PAK1: variants seen among roughly 807,000 people sequenced by gnomAD.
PAK1 encodes the protein p21 (RAC1) activated kinase 1.
In PAK1, 29 loss-of-function variants were observed where a neutral mutation model predicts 67.4. That is an observed-to-expected ratio of 0.43 (90% CI 0.32 to 0.59). The LOEUF is 0.59. PAK1 is among the 20% of genes least tolerant of loss of function. PAK1 has a pLI of 0.07. For missense variants in PAK1, 337 were observed against 670.7 expected (o/e 0.50, Z 5.50); for synonymous variants, 223 against 237.4 (o/e 0.94, Z 0.56).
At chr11:77,502,020 T>A in the PAK1 span, among the ~76,000 whole-genome samples, 1 of 107,780 alleles carries the variant, frequency 9.3e-6, no homozygotes, top group Non-Finnish European at 2.4e-5. Flanking sequence ...TGCTGGGCAT[T>A]TAAATGTTTT....
At chr11:77,525,733 G>A in the PAK1 span, among the ~76,000 whole-genome samples, 3 of 152,212 alleles carry the variant, frequency 2.0e-5, no homozygotes, top group South Asian at 2.1e-4. Context: ...TTTCTCAGGC[G>A]TCTGCCTGGG....
intron 2 of PAK1, among the ~76,000 whole-genome samples, chr11:77,392,042 T>G (rs1951205579): frequency 6.6e-6 from 1 of 152,232 alleles, no homozygotes; most frequent in Admixed American, 6.5e-5. Flanking sequence ...ATTTTGTGGC[T>G]TCATAAACAG....
chr11:77,482,758 G>A, the PAK1 span, among the ~76,000 whole-genome samples: 527 of 151,936 alleles, frequency 3.5e-3, 5 homozygotes, highest in African/African-American at 0.012. Flanking sequence ...TCGCCACCCT[G>A]CTCAGCTAAT....
At chr11:77,462,350 C>T (rs1203474479) in intron 1 of PAK1, among the ~76,000 whole-genome samples, 2 of 151,226 alleles carry the variant, frequency 1.3e-5, no homozygotes, top group East Asian at 3.9e-4. Flanking sequence ...AAAAATGTTC[C>T]GCATCCTTAG....
At chr11:77,477,637 C>CA (rs1174641321), upstream of PAK1, among the ~76,000 whole-genome samples, 2 of 151,230 alleles carry the variant, frequency 1.3e-5, no homozygotes, top group Non-Finnish European at 2.9e-5. Flanking sequence ...CCCATAGTCC[C>CA]AGCTACCCAG....
the PAK1 span, among the ~76,000 whole-genome samples, chr11:77,481,043 C>T: frequency 6.6e-6 from 1 of 152,138 alleles, no homozygotes; most frequent in African/African-American, 2.4e-5. Flanking sequence ...TTTCTTGAGA[C>T]TTTCTTTTGC....
In PAK1 at chr11:77,343,815, A is replaced by G; in HGVS notation, c.998+4T>C. The G allele has an allele frequency of 1.3e-6, 2 of 1,558,034 alleles. No individual in the cohort carries two copies. Among genetic ancestry groups the G allele is most frequent in the Non-Finnish European group, 8.9e-7 (1 of 1,128,928 alleles). ...TCCCTCTGATGGGACCCACCACTCC[A>G]TACCTGTCCAAGTAATTCACAATGT... On this transcript the variant is annotated splice_donor_region_variant and intron_variant, in intron 10 of 14. Coordinates refer to ENST00000356341, the MANE Select transcript of PAK1 (RefSeq NM_002576.5).
chr11:77,492,541 C>CTT, the PAK1 span, among the ~76,000 whole-genome samples: 11 of 106,112 alleles, frequency 1.0e-4, no homozygotes, highest in Admixed American at 1.9e-4. Flanking sequence ...TGAGGTGGGT[C>CTT]TTTTTTTTTT....
chr11:77,385,167 C>T (rs1950296407), intron 2 of PAK1, among the ~76,000 whole-genome samples: 1 of 152,140 alleles, frequency 6.6e-6, no homozygotes, highest in African/African-American at 2.4e-5. Flanking sequence ...GAAGGGTATT[C>T]CTCCTCACCA....
the PAK1 span, among the ~76,000 whole-genome samples, chr11:77,505,609 T>G: frequency 6.6e-6 from 1 of 152,226 alleles, no homozygotes; most frequent in Non-Finnish European, 1.5e-5. Context: ...ATTCTACTTT[T>G]TGCCTCTATG....
the PAK1 span, among the ~76,000 whole-genome samples, chr11:77,484,047 G>C: frequency 6.6e-6 from 1 of 152,146 alleles, no homozygotes; most frequent in Admixed American, 6.5e-5. Context: ...AATAGAGCCA[G>C]CCATATGGTA....
Position 77,393,647 on chromosome 11 carries a change from T to C in PAK1, c.-21-1106A>G, listed in dbSNP as rs114845038. Among the ~76,000 whole-genome samples the C allele has an allele frequency of 3.7e-3, 569 of 152,316 alleles. 6 individuals carry two copies. The highest frequency in any genetic ancestry group is 0.013 in the African/African-American group (530 of 41,564). ...AATGCAGTAACCATCCTGTCCTATA[T>C]GGTGCAGAATTTACTGGCAAAATCT... On this transcript the variant is annotated intron_variant, in intron 1 of 14. Transcript: ENST00000356341.
chr11:77,515,358 A>G, the PAK1 span, among the ~76,000 whole-genome samples: 1 of 152,200 alleles, frequency 6.6e-6, no homozygotes. Flanking sequence ...TAAGCACTTA[A>G]TAAATGTTTG....
Position 77,456,348 on chromosome 11 carries a change from G to GA in PAK1, c.-22+17203dup, listed in dbSNP as rs1203744688. ...CATATTCATATAAACAACAGTAAAGGAAAAAAAAAGATTCAAGTATCTAAA... is the reference window on the plus strand; with the variant it reads ...CATATTCATATAAACAACAGTAAAGGAAAAAAAAAAGATTCAAGTATCTAAA... On this transcript the variant is annotated intron_variant, in intron 1 of 14. Coordinates refer to ENST00000356341, the MANE Select transcript of PAK1 (RefSeq NM_002576.5). 4.0e-5 allele frequency among the ~76,000 whole-genome samples: 6 copies of GA among 149,638 alleles called. No individual in the cohort carries two copies. The South Asian group carries it at 1.1e-3, about 26-fold the overall frequency.
chr11:77,322,167 CA>C lies in PAK1; in HGVS notation c.*1106del. ...TACCATAGTGGGAGAACCAAAACCA[CA>C]AAAATAGCAGGAGGTAGCAAACATC... On this transcript the variant is annotated 3_prime_UTR_variant, in exon 15 of 15. Transcript: ENST00000356341. 1 of 209,486 alleles carries C rather than the reference CA, an allele frequency of 4.8e-6. No homozygotes were observed. Among genetic ancestry groups the C allele is most frequent in the Non-Finnish European group, 9.8e-6 (1 of 102,446 alleles). 13.0% of individuals were successfully genotyped at this position (209,486 alleles called of 1,614,324 possible). A position where few individuals can be genotyped will look rare whatever the true frequency, so the allele number is the denominator to read the frequency against.
At chr11:77,424,945 C>G (rs1430167236) in intron 1 of PAK1, among the ~76,000 whole-genome samples, 2 of 152,196 alleles carry the variant, frequency 1.3e-5, no homozygotes, top group Admixed American at 6.5e-5. Flanking sequence ...ACATACAAAG[C>G]TCTCAATAAT....
intron 12 of PAK1, among the ~76,000 whole-genome samples, chr11:77,336,541 G>A (rs747533452): frequency 3.9e-5 from 6 of 152,200 alleles, no homozygotes; most frequent in Non-Finnish European, 8.8e-5. Flanking sequence ...AGGGGACTTA[G>A]TGTTAAAGTC....
chr11:77,392,319 C>A lies in PAK1; in HGVS notation c.190+12G>T. The A allele has an allele frequency of 6.5e-7, 1 of 1,528,584 alleles. No homozygotes were observed. The highest frequency in any genetic ancestry group is 8.9e-7 in the Non-Finnish European group (1 of 1,128,536). The allele number at this position is 1,528,584 out of a possible 1,614,324, so 94.7% of individuals were successfully genotyped here. ...AGCATATAAATGATGAGAAGAAAATCAAATACTATACTTTTATCTCCAGGT... is the reference window on the plus strand; with the variant it reads ...AGCATATAAATGATGAGAAGAAAATAAAATACTATACTTTTATCTCCAGGT... On this transcript the variant is annotated intron_variant, in intron 2 of 14. Coordinates refer to ENST00000356341, the MANE Select transcript of PAK1 (RefSeq NM_002576.5).
intron 1 of PAK1, among the ~76,000 whole-genome samples, chr11:77,457,620 C>G (rs1363727414): frequency 6.6e-6 from 1 of 152,176 alleles, no homozygotes; most frequent in African/African-American, 2.4e-5. Context: ...CTGAAGCTGT[C>G]TAGGTCAGGC....
Sources: allele counts gnomAD v4.1 joint callset (sites outside exome capture counted in the v4.1 genomes callset), GRCh38; gene constraint gnomAD v4.1.1; transcripts MANE v1.5; gene names NCBI Gene and HGNC (gene_info 2026-07-23, HGNC 2026-07-21).